RBFOX1: variants seen among roughly 807,000 people sequenced by gnomAD.
RBFOX1 encodes RNA binding fox-1 homolog 1.
A neutral mutation model predicts 57.7 loss-of-function variants in RBFOX1; 8 were observed. The ratio of observed to expected loss-of-function variants is 0.14; its 90% confidence interval spans 0.08 to 0.25. The LOEUF is 0.25. Ranked by LOEUF, RBFOX1 falls within the 10% of genes least tolerant of loss-of-function variation. The pLI, the probability that RBFOX1 is intolerant of heterozygous loss-of-function variation, is 1.00. For synonymous variants in RBFOX1, 326 were observed against 222.4 expected (o/e 1.47, Z -4.15); for missense variants, 611 against 548.5 (o/e 1.11, Z -1.14).
At chr16:6,170,825 G>C (rs181358544) in intron 1 of RBFOX1, among the ~76,000 whole-genome samples, 12 of 152,222 alleles carry the variant, frequency 7.9e-5, no homozygotes, top group Admixed American at 6.5e-4. Context: ...CCGTTTATTA[G>C]TGAGAACATG....
At chr16:5,746,916 T>C (rs535849441) in intron 3 of RBFOX1, among the ~76,000 whole-genome samples, 40 of 152,336 alleles carry the variant, frequency 2.6e-4, no homozygotes, top group African/African-American at 9.4e-4. Context: ...CTTTTCCTAA[T>C]TGAATACCCT....
chr16:6,349,995 G>C (rs985722782), intron 2 of RBFOX1, among the ~76,000 whole-genome samples: 1 of 152,038 alleles, frequency 6.6e-6, no homozygotes, highest in South Asian at 2.1e-4. Context: ...AAAACATGTA[G>C]AAAAGAGACT....
chr16:6,843,308 C>G (rs968711111), intron 3 of RBFOX1, among the ~76,000 whole-genome samples: 2 of 151,794 alleles, frequency 1.3e-5, no homozygotes, highest in African/African-American at 2.4e-5. Flanking sequence ...CCATGGTGGT[C>G]TTCTGGAGCA....
chr16:5,568,224 T>C (rs143405826), intron 2 of RBFOX1, among the ~76,000 whole-genome samples: 2 of 152,294 alleles, frequency 1.3e-5, no homozygotes, highest in East Asian at 1.9e-4. Flanking sequence ...GGTTGCAGCG[T>C]ATGGGGGCCT....
chr16:5,800,671 A>G (rs904752064), intron 3 of RBFOX1, among the ~76,000 whole-genome samples: 18 of 152,142 alleles, frequency 1.2e-4, no homozygotes, highest in Non-Finnish European at 2.5e-4. Flanking sequence ...CTGGGGATAA[A>G]TTGGAGGAGG....
intron 3 of RBFOX1, among the ~76,000 whole-genome samples, chr16:5,734,305 G>A (rs1216333230): frequency 6.6e-6 from 1 of 152,074 alleles, no homozygotes; most frequent in African/African-American, 2.4e-5. Context: ...ACACAAAATA[G>A]GAATTTTTTC....
chr16:5,641,027 T>C (rs1169840467), intron 3 of RBFOX1, among the ~76,000 whole-genome samples: 1 of 146,846 alleles, frequency 6.8e-6, no homozygotes, highest in Non-Finnish European at 1.5e-5. Flanking sequence ...ACACCATGCA[T>C]AAACACCCAT....
chr16:7,372,485 G>A (rs2097585634), intron 4 of RBFOX1, among the ~76,000 whole-genome samples: 1 of 152,082 alleles, frequency 6.6e-6, no homozygotes, highest in Non-Finnish European at 1.5e-5. Flanking sequence ...GAAGCCTGTG[G>A]CCATGTACAG....
chr16:7,687,363 G>C (rs750238317), intron 14 of RBFOX1, among the ~76,000 whole-genome samples: 2 of 151,966 alleles, frequency 1.3e-5, no homozygotes, highest in East Asian at 3.9e-4. Context: ...ATTAGATTAT[G>C]AGCTTCCAGA....
chr16:7,457,781 G>C (rs548226509), intron 4 of RBFOX1, among the ~76,000 whole-genome samples: 1 of 151,722 alleles, frequency 6.6e-6, no homozygotes, highest in African/African-American at 2.4e-5. Flanking sequence ...TTCTTCTTAC[G>C]AGCATCTAGC....
At chr16:6,667,640 T>C (rs1373562326) in intron 3 of RBFOX1, among the ~76,000 whole-genome samples, 3 of 152,070 alleles carry the variant, frequency 2.0e-5, no homozygotes, top group Admixed American at 1.3e-4. Flanking sequence ...CTAGCGCTTT[T>C]TGGACACAAG....
intron 4 of RBFOX1, among the ~76,000 whole-genome samples, chr16:5,900,028 A>T (rs1173505134): frequency 2.0e-5 from 3 of 152,166 alleles, no homozygotes; most frequent in African/African-American, 7.2e-5. Flanking sequence ...CAGTGAGCCG[A>T]GATTGTGCCA....
chr16:6,673,662 G>A (rs557707831), intron 3 of RBFOX1, among the ~76,000 whole-genome samples: 3 of 152,266 alleles, frequency 2.0e-5, no homozygotes, highest in African/African-American at 4.8e-5. Flanking sequence ...CTGACTTGCC[G>A]GGGTGGAGGA....
intron 1 of RBFOX1, among the ~76,000 whole-genome samples, chr16:6,296,194 G>A (rs60148766): frequency 0.24 from 36,002 of 151,992 alleles, 4,352 homozygotes; most frequent in South Asian, 0.25. Context: ...TCACTCACAC[G>A]CTCATCCATT....
chr16:6,760,137 G>GA (rs200209116), intron 3 of RBFOX1, among the ~76,000 whole-genome samples: 52 of 150,718 alleles, frequency 3.5e-4, no homozygotes, highest in African/African-American at 1.1e-3. Flanking sequence ...GTTTTCTTAA[G>GA]AAAAAAAAAT....
chr16:6,707,186 T>C (rs1246457033), intron 3 of RBFOX1, among the ~76,000 whole-genome samples: 1 of 152,184 alleles, frequency 6.6e-6, no homozygotes, highest in Non-Finnish European at 1.5e-5. Flanking sequence ...TTTGTTAACA[T>C]GTCGTTTGAT....
At chr16:5,618,285 C>T (rs1420553212) in intron 3 of RBFOX1, among the ~76,000 whole-genome samples, 1 of 152,066 alleles carries the variant, frequency 6.6e-6, no homozygotes, top group East Asian at 1.9e-4. Flanking sequence ...TGGGTATATG[C>T]ATGAGTCCAG....
At chr16:7,177,517 A>G (rs2081924607) in intron 4 of RBFOX1, among the ~76,000 whole-genome samples, 2 of 151,966 alleles carry the variant, frequency 1.3e-5, no homozygotes, top group African/African-American at 4.8e-5. Flanking sequence ...AAAAAGAAGT[A>G]GATCAGGGAT....
chr16:6,813,304 C>A (rs1443446373), intron 3 of RBFOX1, among the ~76,000 whole-genome samples: 1 of 152,178 alleles, frequency 6.6e-6, no homozygotes, highest in Non-Finnish European at 1.5e-5. Flanking sequence ...CATGAAACAA[C>A]CCTCTTCGTT....
Sources: gnomAD v4.1 joint callset for allele counts (sites outside exome capture counted in the v4.1 genomes callset) on GRCh38, gnomAD v4.1.1 for gene constraint, MANE v1.5 for transcripts, NCBI Gene and HGNC (gene_info 2026-07-23, HGNC 2026-07-21) for gene names.